WDR27: variants seen among roughly 807,000 people sequenced by gnomAD.
The protein encoded by WDR27 is WD repeat-containing protein 27.
In WDR27, 100 loss-of-function variants were observed where a neutral mutation model predicts 114.4. The ratio of observed to expected loss-of-function variants is 0.87; its 90% confidence interval spans 0.74 to 1.03. The LOEUF is 1.03. WDR27 is among the 50% of genes least tolerant of loss of function. The pLI is 0.00. For missense variants in WDR27, 1,129 were observed against 1,092.9 expected (o/e 1.03, Z -0.47); for synonymous variants, 449 against 423.1 (o/e 1.06, Z -0.75).
At chr6:169,629,906 G>A (rs148599445) in intron 21 of WDR27, among the ~76,000 whole-genome samples, 4,078 of 123,356 alleles carry the variant, frequency 0.033, 141 homozygotes, top group African/African-American at 0.1. Flanking sequence ...CAGCCTGGGC[G>A]ACAAGAGCGA....
intron 24 of WDR27, among the ~76,000 whole-genome samples, 191 bp from the exon 25 acceptor site, chr6:169,572,731 C>T (rs1801658966): frequency 6.6e-6 from 1 of 152,018 alleles, no homozygotes; most frequent in South Asian, 2.1e-4. Flanking sequence ...CAAGAGGAAA[C>T]ACTTTGAGAA....
intron 25 of WDR27, among the ~76,000 whole-genome samples, chr6:169,524,682 A>G (rs1434082209): frequency 6.6e-6 from 1 of 152,236 alleles, no homozygotes; most frequent in Admixed American, 6.5e-5. Context: ...CAATGGAGAA[A>G]GGACAGTCTC....
In WDR27 at chr6:169,664,233, A is replaced by C; in HGVS notation, c.837T>G (p.Val279=). ...AAGTCTCTGTCTTCTTCCTTAGGTC[A>C]ACCCGTGCCACACGACGATAATGGT... is the stretch of plus-strand genomic sequence containing the variant. ...DGHHYRRVAR[V]DLRKKTETFS... Residue 279 remains valine, a synonymous_variant, in exon 8 of 26, where the codon GTT becomes GTG. Transcript: ENST00000448612. 6.2e-7 allele frequency: 1 copy of C among 1,613,670 alleles called. No individual in the cohort carries two copies. The highest frequency in any genetic ancestry group is 1.1e-5 in the South Asian group (1 of 91,068).
At chr6:169,687,395 A>G (rs1367156462) in intron 2 of WDR27, among the ~76,000 whole-genome samples, 1 of 152,158 alleles carries the variant, frequency 6.6e-6, no homozygotes, top group Non-Finnish European at 1.5e-5. Context: ...TAGAAAAAAG[A>G]CAGATAATCC....
At position 169,674,691 on chromosome 6, in the gene WDR27, A is replaced by C. The variant is rs541259454; in HGVS notation, c.190-2295T>G. On this transcript the variant is annotated intron_variant, in intron 2 of 25. Coordinates refer to ENST00000448612, the MANE Select transcript of WDR27 (RefSeq NM_182552.5). ...TGAAAATTTTCCAAATTTTGATGAA[A>C]ACCATAAACCCGTAGAACCCCAATG... Among the ~76,000 whole-genome samples the C allele has an allele frequency of 4.6e-5, 7 of 152,280 alleles. No homozygotes were observed. The East Asian group carries it at 7.7e-4, about 17-fold the overall frequency.
chr6:169,512,266 T>C (rs1321671592), intron 25 of WDR27, among the ~76,000 whole-genome samples: 1 of 152,164 alleles, frequency 6.6e-6, no homozygotes, highest in African/African-American at 2.4e-5. Flanking sequence ...CTATTGTTAA[T>C]ATACCAAAGA....
intron 23 of WDR27, among the ~76,000 whole-genome samples, chr6:169,585,456 C>T (rs188304445): frequency 1.3e-5 from 2 of 152,124 alleles, no homozygotes; most frequent in African/African-American, 4.8e-5. Context: ...GATATACAGT[C>T]GACCCTTGAG....
intron 25 of WDR27, among the ~76,000 whole-genome samples, chr6:169,553,253 G>A (rs1018446279): frequency 3.9e-5 from 6 of 151,994 alleles, no homozygotes; most frequent in East Asian, 1.9e-4. Context: ...CTAGGGAGCC[G>A]CCGACCTCTC....
At chr6:169,609,740 G>A (rs1034316016) in intron 22 of WDR27, among the ~76,000 whole-genome samples, 1 of 152,244 alleles carries the variant, frequency 6.6e-6, no homozygotes, top group Non-Finnish European at 1.5e-5. Flanking sequence ...TCCTCAGTAT[G>A]TATGCAAATT....
intron 25 of WDR27, among the ~76,000 whole-genome samples, chr6:169,462,551 A>G (rs1785051879): frequency 6.6e-6 from 1 of 151,938 alleles, no homozygotes; most frequent in African/African-American, 2.4e-5. Flanking sequence ...AGTGAATTCT[A>G]CCAAATATCT....
At chr6:169,459,488 A>T (rs1784658011) in intron 25 of WDR27, among the ~76,000 whole-genome samples, 1 of 151,898 alleles carries the variant, frequency 6.6e-6, no homozygotes, top group Non-Finnish European at 1.5e-5. Context: ...AGAAGAAATA[A>T]CAGTTGAAAA....
chr6:169,482,770 A>G (rs1788361470), intron 25 of WDR27, among the ~76,000 whole-genome samples: 1 of 152,210 alleles, frequency 6.6e-6, no homozygotes, highest in Non-Finnish European at 1.5e-5. Context: ...CTCTGAAATC[A>G]ATCACACAAT....
At chr6:169,691,447 T>C (rs565994376) in intron 1 of WDR27, among the ~76,000 whole-genome samples, 1 of 152,324 alleles carries the variant, frequency 6.6e-6, no homozygotes, top group Non-Finnish European at 1.5e-5. Flanking sequence ...GTAGACTCTG[T>C]AACTTGAGCA....
At chr6:169,489,202 C>T (rs563783021) in intron 25 of WDR27, among the ~76,000 whole-genome samples, 18 of 152,272 alleles carry the variant, frequency 1.2e-4, no homozygotes, top group Admixed American at 1.1e-3. Context: ...CGCTGAGCAC[C>T]TCCTGTGCAT....
intron 19 of WDR27, among the ~76,000 whole-genome samples, 160 bp from the exon 20 acceptor site, chr6:169,634,685 T>G (rs551227530): frequency 1.1e-4 from 16 of 152,188 alleles, no homozygotes; most frequent in Non-Finnish European, 2.1e-4. Context: ...CTACCTTAAT[T>G]TTTCTTTAGG....
intron 17 of WDR27, 44 bp downstream of exon 17, chr6:169,643,653 C>T (rs758630709): frequency 2.0e-6 from 3 of 1,535,672 alleles, no homozygotes; most frequent in Non-Finnish European, 1.8e-6. Flanking sequence ...CTAAGTGAGA[C>T]CCATCCTTAA....
intron 25 of WDR27, among the ~76,000 whole-genome samples, chr6:169,462,189 C>T (rs1396008786): frequency 6.6e-6 from 1 of 151,742 alleles, no homozygotes; most frequent in Non-Finnish European, 1.5e-5. Context: ...ATGGCTCACA[C>T]CTGTAATCTC....
Position 169,667,118 on chromosome 6 carries a change from T to C in WDR27, c.712+18A>G. The C allele has an allele frequency of 1.3e-6, 2 of 1,507,730 alleles. No individual in the cohort carries two copies. Among genetic ancestry groups the C allele is most frequent in the Non-Finnish European group, 1.8e-6 (2 of 1,130,650 alleles). 93.4% of individuals were successfully genotyped at this position (1,507,730 alleles called of 1,614,324 possible). A position where few individuals can be genotyped will look rare whatever the true frequency, so the allele number is the denominator to read the frequency against. On this transcript the variant is annotated intron_variant, in intron 6 of 25. Transcript: ENST00000448612. ...ACACACAACCTATTTACAGAAAACA[T>C]GAAAGTTTTAAATTTACCTGATAAC...
intron 25 of WDR27, among the ~76,000 whole-genome samples, chr6:169,525,557 G>GAA (rs1207279340): frequency 5.5e-5 from 8 of 145,294 alleles, no homozygotes; most frequent in Non-Finnish European, 1.2e-4. Context: ...AAAGAAAAAA[G>GAA]AAAAAAAAAG....
Sources: gnomAD v4.1 joint callset for allele counts (sites outside exome capture counted in the v4.1 genomes callset) on GRCh38, gnomAD v4.1.1 for gene constraint, MANE v1.5 for transcripts, NCBI Gene and HGNC (gene_info 2026-07-23, HGNC 2026-07-21) for gene names.